SPATC1L: variants seen among roughly 807,000 people sequenced by gnomAD.
The protein encoded by SPATC1L is spermatogenesis and centriole associated 1 like, also known as speriolin-like protein.
A neutral mutation model predicts 21.2 loss-of-function variants in SPATC1L; 20 were observed. The observed-to-expected ratio is 0.94, with a 90% CI of 0.66 to 1.37. The LOEUF (loss-of-function observed/expected upper bound fraction) is 1.37. SPATC1L is among the 40% of genes most tolerant of loss of function. SPATC1L has a pLI of 0.00. For synonymous variants in SPATC1L, 290 were observed against 234.5 expected, an observed-to-expected ratio of 1.24 and a Z score of -2.16; for missense variants, 499 against 478.7, an observed-to-expected ratio of 1.04 and a Z score of -0.40.
At chr21:46,170,348 T>G (rs1320262581) in intron 2 of SPATC1L, among the ~76,000 whole-genome samples, 1 of 140,812 alleles carries the variant, frequency 7.1e-6, no homozygotes, top group Non-Finnish European at 1.5e-5. Context: ...GCATCCTCTG[T>G]GGATGGGGAG....
In SPATC1L at chr21:46,168,367, C is replaced by T. The variant is rs1415046104; in HGVS notation, c.485G>A (p.Cys162Tyr). The part of the protein sequence containing the change: ...PREMVRPKKV[C>Y]FSESSLPTGD... Reference sequence around the variant, plus strand: ...GGTGGGCAGGCTGCTCTCCGAGAAACACACCTTCTTAGGCCGGACCATCTC... The same window carrying T: ...GGTGGGCAGGCTGCTCTCCGAGAAATACACCTTCTTAGGCCGGACCATCTC... The change falls in exon 3 of 5, where the codon TGT (cysteine) becomes TAT (tyrosine). Residue 162 changes from cysteine (C) to tyrosine (Y), a missense_variant. Transcript: ENST00000291672. 2 of 1,606,968 alleles carry T rather than the reference C, an allele frequency of 1.2e-6. No homozygotes were observed. The highest frequency in any genetic ancestry group is 3.3e-5 in the Admixed American group (2 of 59,884).
At chr21:46,179,760 T>C (rs1359786327) in intron 2 of SPATC1L, among the ~76,000 whole-genome samples, 1 of 152,070 alleles carries the variant, frequency 6.6e-6, no homozygotes, top group East Asian at 1.9e-4. Context: ...ACACGGCGAG[T>C]GGCATCGTGG....
At chr21:46,168,808 C>G (rs1429632912) in intron 2 of SPATC1L, 150 bp from the exon 3 acceptor site, 1 of 459,122 alleles carries the variant, frequency 2.2e-6, no homozygotes, top group Admixed American at 4.1e-5. Context: ...ATCCTCCTTC[C>G]CCTCAGGCCT....
intron 2 of SPATC1L, among the ~76,000 whole-genome samples, chr21:46,170,580 C>G (rs567127817): frequency 2.0e-5 from 2 of 99,752 alleles, no homozygotes; most frequent in African/African-American, 9.5e-5. Context: ...TGAGCATCCT[C>G]TGTGGTCCAG....
chr21:46,176,262 A>C (rs1257791349), intron 2 of SPATC1L, among the ~76,000 whole-genome samples: 1 of 152,202 alleles, frequency 6.6e-6, no homozygotes, highest in African/African-American at 2.4e-5. Flanking sequence ...TATTCAACAT[A>C]GTATTGGAAG....
At chr21:46,176,663 A>G (rs1265590878) in intron 2 of SPATC1L, among the ~76,000 whole-genome samples, 2 of 152,250 alleles carry the variant, frequency 1.3e-5, no homozygotes, top group Non-Finnish European at 2.9e-5. Flanking sequence ...TTCCATGTTC[A>G]TGCATAGGAA....
intron 2 of SPATC1L, among the ~76,000 whole-genome samples, chr21:46,172,489 T>G (rs2079601323): frequency 6.6e-6 from 1 of 152,244 alleles, no homozygotes; most frequent in Non-Finnish European, 1.5e-5. Context: ...CAGGAAGGAC[T>G]CTTCCACAGC....
chr21:46,164,767 G>A (rs1025650979), intron 3 of SPATC1L, among the ~76,000 whole-genome samples: 4 of 149,022 alleles, frequency 2.7e-5, no homozygotes, highest in Non-Finnish European at 4.4e-5. Context: ...ACTCCAGCCT[G>A]GGCGACAGAG....
chr21:46,161,705 T>C lies in SPATC1L; in HGVS notation c.697A>G (p.Thr233Ala), dbSNP rs766953827. Residue 233 changes from threonine (T) to alanine (A), a missense_variant and splice_region_variant, in exon 5 of 5, where the codon ACC becomes GCC. Thr to Ala is a moderately conservative substitution (Grantham distance 58). Coordinates refer to ENST00000291672, the MANE Select transcript of SPATC1L (RefSeq NM_001142854.2). ...VANIPEKIEQ[T>A]STKSLDGSVD... is the part of the protein sequence containing the mutation. The stretch of plus-strand genomic sequence containing the variant: ...GAGCCGTCCAGAGACTTGGTGGAGG[T>C]CTGCGGGCGCAGCGCATGGATGGGG... 3 of 1,587,056 alleles carry C rather than the reference T, an allele frequency of 1.9e-6. No individual in the cohort carries two copies. The highest frequency in any genetic ancestry group is 2.6e-6 in the Non-Finnish European group (3 of 1,166,088).
At position 46,183,481 on chromosome 21, in the gene SPATC1L, GGGA is replaced by G. The variant is rs1174488649; in HGVS notation, c.-668_-666del. On this transcript the variant is annotated 5_prime_UTR_variant, in exon 2 of 5. Coordinates refer to ENST00000291672, the MANE Select transcript of SPATC1L (RefSeq NM_001142854.2). ...CCAGTCTGCGGGGGAGACCAGCCTG[GGGA>G]GGAGACCAGCCTGCAGGGGAGACCA... The G allele has an allele frequency of 5.2e-3, 804 of 155,594 alleles. 7 individuals carry two copies. The highest frequency in any genetic ancestry group is 7.7e-3 in the Non-Finnish European group (595 of 77,712). The allele number at this position is 155,594 out of a possible 1,614,324, so 9.6% of individuals were successfully genotyped here. A position where few individuals can be genotyped will look rare whatever the true frequency, so the allele number is the denominator to read the frequency against.
chr21:46,164,176 T>G (rs12329665), intron 3 of SPATC1L, among the ~76,000 whole-genome samples: 16,014 of 151,920 alleles, frequency 0.11, 1,469 homozygotes, highest in African/African-American at 0.25. Flanking sequence ...ACCAGCTAAC[T>G]TGGGTGGTGG....
chr21:46,164,165 G>A (rs2079523326), intron 3 of SPATC1L, among the ~76,000 whole-genome samples: 2 of 151,990 alleles, frequency 1.3e-5, no homozygotes, highest in Admixed American at 1.3e-4. Flanking sequence ...GCACCACCAC[G>A]ACCAGCTAAC....
chr21:46,174,332 C>CAAAAAAAAAAAA (rs66721282), intron 2 of SPATC1L, among the ~76,000 whole-genome samples: 2 of 34,258 alleles, frequency 5.8e-5, no homozygotes, highest in African/African-American at 1.9e-4. Context: ...GACTCTGTCT[C>CAAAAAAAAAAAA]AAAAAACAAA....
chr21:46,168,372 C>G lies in SPATC1L; in HGVS notation c.480G>C (p.Lys160Asn). The change falls in exon 3 of 5, where the codon AAG (lysine) becomes AAC (asparagine). Residue 160 changes from lysine (K) to asparagine (N), a missense_variant. Physicochemically the swap from Lys to Asn is moderately conservative, Grantham distance 94 (BLOSUM62 0). Transcript: ENST00000291672. ...GCAGGCTGCTCTCCGAGAAACACAC[C>G]TTCTTAGGCCGGACCATCTCCCTGG... is the stretch of plus-strand genomic sequence containing the variant. Reference protein sequence around the residue: ...LEPREMVRPKKVCFSESSLPT... With the variant: ...LEPREMVRPKNVCFSESSLPT... 2 of 1,607,560 alleles carry G rather than the reference C, an allele frequency of 1.2e-6. No individual in the cohort carries two copies. The highest frequency in any genetic ancestry group is 1.7e-6 in the Non-Finnish European group (2 of 1,174,990).
chr21:46,166,707 G>T (rs1170482989), intron 3 of SPATC1L, among the ~76,000 whole-genome samples: 1 of 152,160 alleles, frequency 6.6e-6, no homozygotes, highest in Non-Finnish European at 1.5e-5. Context: ...TGATAAAGGG[G>T]TCAATTCAGC....
intron 2 of SPATC1L, among the ~76,000 whole-genome samples, chr21:46,169,195 G>A (rs1471410240): frequency 1.3e-5 from 2 of 152,284 alleles, no homozygotes; most frequent in East Asian, 1.9e-4. Flanking sequence ...CTGTTTCCAT[G>A]TTTCCGTGCA....
In SPATC1L at chr21:46,161,598, G is replaced by T. The variant is rs1164046323; in HGVS notation, c.804C>A (p.Arg268=). ...SARLEKLGYS[R]DVHPAFSEFL... ...ACTCGCTGAACGCCGGGTGCACGTC[G>T]CGGCTGTAGCCCAGCTTCTCCAGGC... is the stretch of plus-strand genomic sequence containing the variant. The change falls in exon 5 of 5, where the codon CGC becomes CGA. Residue 268 remains arginine (R), a synonymous_variant. Transcript: ENST00000291672. 3 of 1,610,170 alleles carry T rather than the reference G, an allele frequency of 1.9e-6. No individual in the cohort carries two copies. The highest frequency in any genetic ancestry group is 2.7e-5 in the African/African-American group (2 of 74,856).
At chr21:46,169,041 A>G (rs1449880457) in intron 2 of SPATC1L, among the ~76,000 whole-genome samples, 2 of 152,260 alleles carry the variant, frequency 1.3e-5, no homozygotes, top group Non-Finnish European at 2.9e-5. Context: ...TTGCTGCTGC[A>G]TTATCTCTTT....
At chr21:46,165,399 G>C (rs1348886550) in intron 3 of SPATC1L, among the ~76,000 whole-genome samples, 1 of 152,210 alleles carries the variant, frequency 6.6e-6, no homozygotes, top group Non-Finnish European at 1.5e-5. Context: ...AATCATAAAG[G>C]TTTACTGACT....
Sources: gnomAD v4.1 joint callset for allele counts (sites outside exome capture counted in the v4.1 genomes callset) on GRCh38, gnomAD v4.1.1 for gene constraint, MANE v1.5 for transcripts, NCBI Gene and HGNC (gene_info 2026-07-23, HGNC 2026-07-21) for gene names.